Variants in MAF observed in about 807,000 individuals in gnomAD.
MAF encodes the protein MAF bZIP transcription factor, also known as transcription factor Maf.
In MAF, 10 loss-of-function variants were observed where a neutral mutation model predicts 22.0. The ratio of observed to expected loss-of-function variants is 0.45; its 90% CI spans 0.28 to 0.77. The LOEUF (loss-of-function observed/expected upper bound fraction) is 0.77, where lower values mean the gene tolerates loss of function less well. Among genes scored for constraint, MAF ranks in the 30% least tolerant of loss-of-function variants. The pLI is 0.12. For missense variants in MAF, 544 were observed against 548.4 expected (o/e 0.99, Z 0.08); for synonymous variants, 337 against 255.8 (o/e 1.32, Z -3.03).
chr16:79,352,783 T>C, the MAF span, among the ~76,000 whole-genome samples: 2 of 152,246 alleles, frequency 1.3e-5, no homozygotes, highest in African/African-American at 2.4e-5. Flanking sequence ...TATTATAGGA[T>C]GTTTAGCTAG....
the MAF span, among the ~76,000 whole-genome samples, chr16:79,320,983 C>T: frequency 6.6e-6 from 1 of 152,118 alleles, no homozygotes; most frequent in Non-Finnish European, 1.5e-5. Context: ...AGTCCAGTTC[C>T]AAGAGGTGGG....
At chr16:79,410,915 C>A in the MAF span, among the ~76,000 whole-genome samples, 2 of 152,164 alleles carry the variant, frequency 1.3e-5, no homozygotes, top group East Asian at 3.9e-4. Context: ...AATGAAGGAC[C>A]TTACGTGATG....
At chr16:79,278,752 A>G in the MAF span, among the ~76,000 whole-genome samples, 16 of 151,902 alleles carry the variant, frequency 1.1e-4, 1 homozygote, top group Admixed American at 2.6e-4. Context: ...AGCTACCCAA[A>G]CAGGGACCCG....
At chr16:79,463,916 C>T in the MAF span, among the ~76,000 whole-genome samples, 6,854 of 151,110 alleles carry the variant, frequency 0.045, 413 homozygotes, top group African/African-American at 0.14. Flanking sequence ...GAAACTGACA[C>T]TGCTTCTGTA....
At chr16:79,281,969 A>G in the MAF span, among the ~76,000 whole-genome samples, 2 of 152,162 alleles carry the variant, frequency 1.3e-5, no homozygotes, top group South Asian at 2.1e-4. Context: ...TTGATATGGA[A>G]CAATCCAACA....
the MAF span, among the ~76,000 whole-genome samples, chr16:79,222,249 C>T: frequency 2.0e-5 from 3 of 152,026 alleles, no homozygotes; most frequent in Non-Finnish European, 4.4e-5. Context: ...GTTTCATAAG[C>T]GAAGGAGAAA....
At chr16:79,576,225 T>C in the MAF span, among the ~76,000 whole-genome samples, 11 of 114,218 alleles carry the variant, frequency 9.6e-5, no homozygotes, top group African/African-American at 3.5e-4. Context: ...AAGAGTCCTG[T>C]GGTACTAAAA....
the MAF span, among the ~76,000 whole-genome samples, chr16:79,209,934 G>T: frequency 1.3e-5 from 2 of 152,204 alleles, no homozygotes; most frequent in Non-Finnish European, 2.9e-5. Context: ...AAATCAATGG[G>T]AAAAGAAACA....
chr16:79,460,440 T>A, the MAF span, among the ~76,000 whole-genome samples: 1 of 152,208 alleles, frequency 6.6e-6, no homozygotes, highest in Admixed American at 6.5e-5. Context: ...TAAACTCTCA[T>A]GTATAACCCA....
the MAF span, among the ~76,000 whole-genome samples, chr16:79,366,217 G>C: frequency 6.6e-6 from 1 of 152,172 alleles, no homozygotes; most frequent in African/African-American, 2.4e-5. Context: ...AAAAGAATAT[G>C]TAAAATATAT....
At chr16:79,213,736 C>A in the MAF span, among the ~76,000 whole-genome samples, 1 of 152,194 alleles carries the variant, frequency 6.6e-6, no homozygotes, top group African/African-American at 2.4e-5. Context: ...CTATCCAGCC[C>A]CAGCTGTGCC....
chr16:79,582,639 T>A (rs1912591896), downstream of MAF, among the ~76,000 whole-genome samples: 1 of 152,166 alleles, frequency 6.6e-6, no homozygotes, highest in Non-Finnish European at 1.5e-5. Flanking sequence ...AGGAGTATAA[T>A]CCAAATAAGC....
At chr16:79,288,950 A>G in the MAF span, among the ~76,000 whole-genome samples, 4 of 152,084 alleles carry the variant, frequency 2.6e-5, no homozygotes, top group African/African-American at 7.2e-5. Context: ...GGCTGGTCTT[A>G]AACTCCTAAC....
the MAF span, among the ~76,000 whole-genome samples, chr16:79,305,079 T>C: frequency 6.6e-6 from 1 of 152,198 alleles, no homozygotes; most frequent in Admixed American, 6.5e-5. Flanking sequence ...GAATGAGTAA[T>C]TACAGCTAAT....
At chr16:79,338,675 G>A in the MAF span, among the ~76,000 whole-genome samples, 1 of 152,154 alleles carries the variant, frequency 6.6e-6, no homozygotes, top group South Asian at 2.1e-4. Flanking sequence ...AGATGGACAG[G>A]AGGGAGAAAA....
chr16:79,507,636 A>C, the MAF span, among the ~76,000 whole-genome samples: 1 of 151,976 alleles, frequency 6.6e-6, no homozygotes, highest in East Asian at 1.9e-4. Context: ...TATGTTAGCC[A>C]GGATGGTCTC....
chr16:79,412,024 G>C, the MAF span, among the ~76,000 whole-genome samples: 1 of 152,190 alleles, frequency 6.6e-6, no homozygotes, highest in East Asian at 1.9e-4. Flanking sequence ...GCGACACCTT[G>C]CTTCCCTTGT....
At chr16:79,307,984 C>T in the MAF span, among the ~76,000 whole-genome samples, 1 of 152,204 alleles carries the variant, frequency 6.6e-6, no homozygotes, top group Non-Finnish European at 1.5e-5. Flanking sequence ...AGAACTACCT[C>T]CTTGTCCTCT....
chr16:79,447,272 A>G, the MAF span, among the ~76,000 whole-genome samples: 13 of 151,902 alleles, frequency 8.6e-5, no homozygotes, highest in African/African-American at 2.7e-4. Flanking sequence ...GGATGACAGC[A>G]CATCTGATTA....
Sources: allele counts gnomAD v4.1 joint callset (sites outside exome capture counted in the v4.1 genomes callset), GRCh38; gene constraint gnomAD v4.1.1; transcripts MANE v1.5; gene names NCBI Gene and HGNC (gene_info 2026-07-23, HGNC 2026-07-21).